PCDHGA5: variants seen among roughly 807,000 people sequenced by gnomAD.
PCDHGA5 encodes protocadherin gamma-A5.
A neutral mutation model predicts 56.7 loss-of-function variants in PCDHGA5; 36 were observed. That is an observed-to-expected ratio of 0.64 (90% CI 0.49 to 0.84). The LOEUF (loss-of-function observed/expected upper bound fraction) is 0.84, where lower values mean the gene tolerates loss of function less well. PCDHGA5 is among the 40% of genes least tolerant of loss of function. PCDHGA5 has a pLI of 0.00. For missense variants in PCDHGA5, 1,305 were observed against 1,201.5 expected (o/e 1.09, Z -1.27); for synonymous variants, 563 against 520.2 (o/e 1.08, Z -1.12).
At chr5:141,488,784 T>C (rs116057353) in intron 1 of PCDHGA5, among the ~76,000 whole-genome samples, 1 of 152,248 alleles carries the variant, frequency 6.6e-6, no homozygotes, top group African/African-American at 2.4e-5. Flanking sequence ...TTGTATCACT[T>C]TGTCTTCCCT....
At chr5:141,386,521 A>AT (rs1458324675) in intron 1 of PCDHGA5, among the ~76,000 whole-genome samples, 1 of 232 alleles carries the variant, frequency 4.3e-3, no homozygotes, top group African/African-American at 0.013. Context: ...TCAAAAAAAG[A>AT]CTCTTTTTAG....
Position 141,382,943 on chromosome 5 carries a change from T to C in PCDHGA5, c.2421+16192T>C, listed in dbSNP as rs766692143. On this transcript the variant is annotated intron_variant, in intron 1 of 3. Coordinates refer to ENST00000518069, the MANE Select transcript of PCDHGA5 (RefSeq NM_018918.3). The stretch of plus-strand genomic sequence containing the variant: ...GGCGGGGACTACAGAGGATTCTTCC[T>C]GCTCTCCATCCTCCTGGGGACCCCC... 2.6e-5 allele frequency: 42 copies of C among 1,596,066 alleles called. No individual in the cohort carries two copies. Among genetic ancestry groups the C allele is most frequent in the Non-Finnish European group, 3.5e-5 (41 of 1,169,148 alleles).
intron 1 of PCDHGA5, chr5:141,393,221 AG>A (rs1394795238): frequency 1.2e-6 from 2 of 1,613,690 alleles, no homozygotes; most frequent in South Asian, 2.2e-5. Flanking sequence ...TCCAGGTCGA[AG>A]ATCTAGAAGT....
At chr5:141,389,349 A>G in intron 1 of PCDHGA5, 1 of 1,613,980 alleles carries the variant, frequency 6.2e-7, no homozygotes, top group South Asian at 1.1e-5. Context: ...CTCTTACTGC[A>G]TCATGGCCAG....
At chr5:141,421,535 G>GT (rs975619932) in intron 1 of PCDHGA5, 8 of 1,614,032 alleles carry the variant, frequency 5.0e-6, no homozygotes, top group Non-Finnish European at 6.8e-6. Flanking sequence ...GTGTCCTCCT[G>GT]TTTTTTAAAT....
intron 1 of PCDHGA5, among the ~76,000 whole-genome samples, chr5:141,455,028 G>A (rs2098810519): frequency 6.6e-6 from 1 of 150,780 alleles, no homozygotes; most frequent in Non-Finnish European, 1.5e-5. Flanking sequence ...TAGCCAGGAT[G>A]GTCTCGATCT....
At chr5:141,385,312 C>T (rs1781113045) in intron 1 of PCDHGA5, 1 of 1,611,422 alleles carries the variant, frequency 6.2e-7, no homozygotes, top group African/African-American at 1.3e-5. Context: ...AGAAAACCTG[C>T]CAAGTATTCA....
In PCDHGA5 at chr5:141,385,085, A is replaced by G. The variant is rs753751562; in HGVS notation, c.2421+18334A>G. The G allele has an allele frequency of 1.1e-5, 18 of 1,614,014 alleles. No homozygotes were observed. In the Admixed American group the frequency reaches 3.0e-4, roughly 27 times the overall value. On this transcript the variant is annotated intron_variant, in intron 1 of 3. Transcript: ENST00000518069. ...AAGTCACGCCTGCTGCAGGCTTCAGAAGGTGGCTTGGCGAACGTGCCCACC... is the reference window on the plus strand; with the variant it reads ...AAGTCACGCCTGCTGCAGGCTTCAGGAGGTGGCTTGGCGAACGTGCCCACC...
At chr5:141,475,145 C>T (rs1214674720) in intron 1 of PCDHGA5, among the ~76,000 whole-genome samples, 2 of 151,980 alleles carry the variant, frequency 1.3e-5, no homozygotes, top group Non-Finnish European at 1.5e-5. Flanking sequence ...AAATCTTCTC[C>T]GTCTTCTTCT....
intron 1 of PCDHGA5, among the ~76,000 whole-genome samples, chr5:141,473,785 A>G (rs1240342191): frequency 6.6e-6 from 1 of 152,226 alleles, no homozygotes; most frequent in Non-Finnish European, 1.5e-5. Context: ...TTAATTCAAG[A>G]GCAGTATGAT....
chr5:141,487,590 C>G lies in PCDHGA5; in HGVS notation c.2422-7217C>G. 1 of 1,614,160 alleles carries G rather than the reference C, an allele frequency of 6.2e-7. No homozygotes were observed. Among genetic ancestry groups the G allele is most frequent in the Non-Finnish European group, 8.5e-7 (1 of 1,180,040 alleles). ...GAGCCTGTTCGCCCAAGCTGCCCACCCTCTGATCTTCTCTATGGGCTAGAG... is the reference window on the plus strand; with the variant it reads ...GAGCCTGTTCGCCCAAGCTGCCCACGCTCTGATCTTCTCTATGGGCTAGAG... On this transcript the variant is annotated intron_variant, in intron 1 of 3. Transcript: ENST00000518069. The surrounding 1 kb of genome is among the most constrained non-coding windows in gnomAD (Gnocchi z 5.0).
chr5:141,478,520 G>A, intron 1 of PCDHGA5: 1 of 1,610,510 alleles, frequency 6.2e-7, no homozygotes, highest in Non-Finnish European at 8.5e-7. Context: ...GCAGGTGTTG[G>A]GTGCAGAGAG....
chr5:141,418,523 C>G (rs2096266495), intron 1 of PCDHGA5: 1 of 1,613,958 alleles, frequency 6.2e-7, no homozygotes, highest in Non-Finnish European at 8.5e-7. Context: ...GGACCCTCCC[C>G]GAAGCGGTAC....
chr5:141,415,419 C>T (rs2095868053), intron 1 of PCDHGA5: 1 of 1,614,196 alleles, frequency 6.2e-7, no homozygotes, highest in Non-Finnish European at 8.5e-7. Context: ...TGGGCGTGGA[C>T]GGGGTTCGGG....
At chr5:141,498,971 G>GGGAGGGAAGGAAGGAAGGAA (rs2099787588) in intron 2 of PCDHGA5, among the ~76,000 whole-genome samples, 11 of 111,048 alleles carry the variant, frequency 9.9e-5, no homozygotes, top group African/African-American at 3.2e-4. Context: ...GAGGGAGGGA[G>GGGAGGGAAGGAAGGAAGGAA]GGAAGGAAGG....
rs544928184 is a variant in PCDHGA5 at position 141,366,069 on chromosome 5, G to T, written c.1739G>T (p.Arg580Leu). The T allele has an allele frequency of 7.4e-6, 12 of 1,614,216 alleles. No individual in the cohort carries two copies. The highest frequency in any genetic ancestry group is 2.7e-5 in the African/African-American group (2 of 75,064). The change falls in exon 1 of 4, where the codon CGC becomes CTC. Residue 580 changes from arginine (R) to leucine (L), a missense_variant. Coordinates refer to ENST00000518069, the MANE Select transcript of PCDHGA5 (RefSeq NM_018918.3). ...DGSTGVELAP[R>L]SAEPGYLVTK... is the part of the protein sequence containing the mutation. Reference sequence around the variant, plus strand: ...TCCACGGGCGTGGAGCTGGCGCCTCGCTCCGCAGAACCTGGCTACCTGGTG... The same window carrying T: ...TCCACGGGCGTGGAGCTGGCGCCTCTCTCCGCAGAACCTGGCTACCTGGTG...
intron 1 of PCDHGA5, chr5:141,394,928 C>T (rs2093129787): frequency 7.4e-6 from 12 of 1,613,838 alleles, no homozygotes; most frequent in Non-Finnish European, 1.0e-5. Context: ...GTGTCTTCCT[C>T]GCCTTTGTCG....
In PCDHGA5 at chr5:141,490,262, G is replaced by A; in HGVS notation, c.2422-4545G>A. 1.2e-6 allele frequency: 2 copies of A among 1,614,206 alleles called. No homozygotes were observed. Among genetic ancestry groups the A allele is most frequent in the South Asian group, 1.1e-5 (1 of 91,086 alleles). On this transcript the variant is annotated intron_variant, in intron 1 of 3. Transcript: ENST00000518069. The surrounding 1 kb of genome is among the most constrained non-coding windows in gnomAD (Gnocchi z 5.4). ...CACTGTGTGATTCAAGTGGATGTGGGGGATGTCAATGACAATGCCCCAGAG... is the reference window on the plus strand; with the variant it reads ...CACTGTGTGATTCAAGTGGATGTGGAGGATGTCAATGACAATGCCCCAGAG...
chr5:141,378,991 T>C (rs530834817), intron 1 of PCDHGA5: 34 of 152,352 alleles, frequency 2.2e-4, no homozygotes, highest in African/African-American at 7.7e-4. Flanking sequence ...AACTACATTA[T>C]AGTCAAGATT....
Sources: gnomAD v4.1 joint callset for allele counts (sites outside exome capture counted in the v4.1 genomes callset) on GRCh38, gnomAD v4.1.1 for gene constraint, Gnocchi (gnomAD v3.1) non-coding constraint, MANE v1.5 for transcripts, NCBI Gene and HGNC (gene_info 2026-07-23, HGNC 2026-07-21) for gene names.